The following ATP13A4 variants were observed in gnomAD, a reference collection of about 807,000 sequenced individuals.
The protein encoded by ATP13A4 is probable cation-transporting ATPase 13A4.
Under a neutral mutation model 142.5 loss-of-function variants are expected in ATP13A4, and 114 were observed. The ratio of observed to expected loss-of-function variants is 0.80; its 90% CI spans 0.69 to 0.93. ATP13A4 has a LOEUF of 0.93. Ranked by LOEUF, ATP13A4 falls within the 40% of genes least tolerant of loss-of-function variation. The pLI, the probability that ATP13A4 is intolerant of heterozygous loss-of-function variation, is 0.00. For synonymous variants in ATP13A4, 488 were observed against 514.8 expected, an observed-to-expected ratio of 0.95 and a Z score of 0.70; for missense variants, 1,392 against 1,454.0, an observed-to-expected ratio of 0.96 and a Z score of 0.69.
rs527774956 is a variant in ATP13A4 at position 193,468,337 on chromosome 3, G to C, written c.944-851C>G. 8.5e-5 allele frequency among the ~76,000 whole-genome samples: 13 copies of C among 152,344 alleles called. 2 individuals carry two copies. The highest frequency in any genetic ancestry group is 3.1e-4 in the African/African-American group (13 of 41,578). Reference sequence around the variant, plus strand: ...AGGGAATGAATCAAAGTCTGGTGAGGTTGGAGGCTGGGCTGGGTATCCAAT... The same window carrying C: ...AGGGAATGAATCAAAGTCTGGTGAGCTTGGAGGCTGGGCTGGGTATCCAAT... On this transcript the variant is annotated intron_variant, in intron 9 of 29. Coordinates refer to ENST00000342695, the MANE Select transcript of ATP13A4 (RefSeq NM_032279.4).
At chr3:193,412,483 C>A in intron 26 of ATP13A4, 112 bp from the exon 27 acceptor site, 15 of 748,268 alleles carry the variant, frequency 2.0e-5, no homozygotes, top group Non-Finnish European at 3.0e-5. Flanking sequence ...CTCAATGCTT[C>A]TACAATTGCC....
intron 8 of ATP13A4, among the ~76,000 whole-genome samples, chr3:193,474,407 A>C (rs1368844846): frequency 6.6e-6 from 1 of 151,220 alleles, no homozygotes; most frequent in Non-Finnish European, 1.5e-5. Flanking sequence ...TACAAAAATT[A>C]GCCAGGCATG....
intron 8 of ATP13A4, among the ~76,000 whole-genome samples, chr3:193,480,499 T>C (rs1719227671): frequency 6.6e-6 from 1 of 151,996 alleles, no homozygotes; most frequent in African/African-American, 2.4e-5. Context: ...AAAGAAGATA[T>C]AAAGATGGCC....
At position 193,496,696 on chromosome 3, in the gene ATP13A4, T is replaced by C. The variant is rs1365575970; in HGVS notation, c.382-3536A>G. On this transcript the variant is annotated intron_variant, in intron 3 of 29. Transcript: ENST00000342695. ...ATCCCAGCTGCTCAGGAGGCTGAGG[T>C]AGGAGAATCGCTTGGACCTGGGAGG... Among the ~76,000 whole-genome samples, 3 of 151,982 alleles carry C rather than the reference T, an allele frequency of 2.0e-5. No individual in the cohort carries two copies. The East Asian group carries it at 5.8e-4, about 29-fold the overall frequency.
chr3:193,464,461 G>C (rs1408489263), intron 12 of ATP13A4, among the ~76,000 whole-genome samples: 1 of 152,210 alleles, frequency 6.6e-6, no homozygotes, highest in Non-Finnish European at 1.5e-5. Context: ...ATAAAGTACA[G>C]ATGGGAAAAT....
intron 25 of ATP13A4, 61 bp from the exon 26 acceptor site, chr3:193,414,811 G>T (rs1005253728): frequency 6.5e-7 from 1 of 1,533,306 alleles, no homozygotes; most frequent in Admixed American, 1.7e-5. Flanking sequence ...TTGATCAGAA[G>T]AATGGCATAA....
intron 7 of ATP13A4, among the ~76,000 whole-genome samples, chr3:193,486,349 G>A (rs1355875585): frequency 6.6e-6 from 1 of 152,194 alleles, no homozygotes; most frequent in African/African-American, 2.4e-5. Flanking sequence ...CAAGAATGAT[G>A]TATGGAGGCC....
intron 1 of ATP13A4, among the ~76,000 whole-genome samples, chr3:193,546,451 C>T (rs1034359008): frequency 2.6e-5 from 4 of 152,186 alleles, no homozygotes; most frequent in Admixed American, 1.3e-4. Context: ...AGTCATCTTC[C>T]CTGGCAATAC....
chr3:193,454,299 GC>G, intron 16 of ATP13A4, 87 bp from the exon 17 acceptor site: 1 of 1,014,088 alleles, frequency 9.9e-7, no homozygotes, highest in Non-Finnish European at 1.5e-6. Flanking sequence ...TCCAACTTTT[GC>G]CCAAGAAAAC....
intron 2 of ATP13A4, among the ~76,000 whole-genome samples, chr3:193,573,308 C>CTTATATATATATATATTCTTATATAT (rs1229145689): frequency 2.9e-5 from 3 of 103,656 alleles, no homozygotes; most frequent in Admixed American, 9.6e-5. Flanking sequence ...TATATATATA[C>CTTATATATATATATATTCTTATATAT]ATATATATAT....
intron 8 of ATP13A4, 147 bp downstream of exon 8, chr3:193,483,789 A>T (rs1439402427): frequency 2.6e-6 from 2 of 757,314 alleles, no homozygotes; most frequent in Admixed American, 5.2e-5. Context: ...GGTAAAAAAA[A>T]AAACTTAAGT....
intron 2 of ATP13A4, among the ~76,000 whole-genome samples, chr3:193,573,326 T>C (rs192573607): frequency 1.3e-5 from 1 of 78,056 alleles, no homozygotes; most frequent in Admixed American, 1.3e-4. Context: ...TATATATATA[T>C]AATTTGTATC....
At chr3:193,485,310 G>A (rs188112331) in intron 7 of ATP13A4, among the ~76,000 whole-genome samples, 4 of 151,622 alleles carry the variant, frequency 2.6e-5, no homozygotes, top group Admixed American at 1.3e-4. Context: ...GCAGTTACAC[G>A]TACAGGTGGA....
chr3:193,487,005 G>A (rs76444399), intron 7 of ATP13A4, among the ~76,000 whole-genome samples: 11,246 of 152,172 alleles, frequency 0.074, 579 homozygotes, highest in East Asian at 0.15. Flanking sequence ...TGGAGTGGGA[G>A]AGAAAAATGG....
At chr3:193,465,246 G>T in intron 11 of ATP13A4, 118 bp from the exon 12 acceptor site, 1 of 1,112,412 alleles carries the variant, frequency 9.0e-7, no homozygotes, top group Non-Finnish European at 1.3e-6. Context: ...GGAATACAGT[G>T]GTGTGATCTC....
At chr3:193,442,859 A>G (rs1716729239) in intron 18 of ATP13A4, among the ~76,000 whole-genome samples, 1 of 151,878 alleles carries the variant, frequency 6.6e-6, no homozygotes, top group African/African-American at 2.4e-5. Context: ...GTTTAGGCAA[A>G]TCCTCTGGTT....
intron 1 of ATP13A4, chr3:193,592,953 C>CA (rs1368279813): frequency 2.0e-5 from 4 of 196,478 alleles, no homozygotes; most frequent in Non-Finnish European, 4.1e-5. Context: ...CATCAATTCT[C>CA]ATTCCACGCC....
At chr3:193,518,580 G>T (rs1721553833) in intron 1 of ATP13A4, among the ~76,000 whole-genome samples, 1 of 152,164 alleles carries the variant, frequency 6.6e-6, no homozygotes, top group South Asian at 2.1e-4. Context: ...TTTGTTTGTG[G>T]TGATGGGTTC....
Position 193,483,877 on chromosome 3 carries a change from T to C in ATP13A4, c.808+59A>G, listed in dbSNP as rs1719448624. The C allele has an allele frequency of 8.4e-6, 11 of 1,312,618 alleles. No homozygotes were observed. The South Asian group carries it at 1.3e-4, about 16-fold the overall frequency. The allele number at this position is 1,312,618 out of a possible 1,614,324, so 81.3% of individuals were successfully genotyped here. On this transcript the variant is annotated intron_variant, in intron 8 of 29. Transcript: ENST00000342695. Reference sequence around the variant, plus strand: ...TAACAGCAGCAATCAGAAATACAAATTTAAATTCTTTTCTGATTCCATGTG... The same window carrying C: ...TAACAGCAGCAATCAGAAATACAAACTTAAATTCTTTTCTGATTCCATGTG...
Sources: allele counts gnomAD v4.1 joint callset (sites outside exome capture counted in the v4.1 genomes callset), GRCh38; gene constraint gnomAD v4.1.1; transcripts MANE v1.5; gene names NCBI Gene and HGNC (gene_info 2026-07-23, HGNC 2026-07-21).